Variants in ZNF224 observed in about 807,000 individuals in gnomAD.
ZNF224 encodes the protein bone marrow zinc finger 2.
ZNF224 carries 8 observed loss-of-function variants against 10.5 expected under a neutral mutation model. That is an observed-to-expected ratio of 0.76 (90% CI 0.45 to 1.37). The LOEUF is 1.37. Ranked by LOEUF, ZNF224 falls within the 40% of genes most tolerant of loss-of-function variation. The probability of loss-of-function intolerance (pLI) is 0.00; values close to 1 mark genes in which losing one functional copy is unlikely to be tolerated. For synonymous variants in ZNF224, 282 were observed against 287.8 expected (o/e 0.98, Z 0.20); for missense variants, 754 against 854.0 (o/e 0.88, Z 1.46).
Position 44,108,288 on chromosome 19 carries a change from T to C in ZNF224, c.*4T>C. 1 of 1,601,648 alleles carries C rather than the reference T, an allele frequency of 6.2e-7. No homozygotes were observed. Among genetic ancestry groups the C allele is most frequent in the Middle Eastern group, 1.7e-4 (1 of 5,982 alleles). On this transcript the variant is annotated 3_prime_UTR_variant, in exon 6 of 6. Transcript: ENST00000693561. ...TCATGTTGGAGAAAAACCTTAGTGATGTGATGGTGCAATAAAGTCTTCACT... is the reference window on the plus strand; with the variant it reads ...TCATGTTGGAGAAAAACCTTAGTGACGTGATGGTGCAATAAAGTCTTCACT...
rs1967674721 is a variant in ZNF224 at position 44,106,784 on chromosome 19, G to A, written c.624G>A (p.Val208=). The stretch of plus-strand genomic sequence containing the variant: ...GAGAGAAATGCTATAAGTGTGACGT[G>A]TGTGGTAAGGAATTCAGTCAGAGTT... ...HMGEKCYKCD[V]CGKEFSQSSH... is the part of the protein sequence containing the mutation. The change falls in exon 6 of 6, where the codon GTG becomes GTA. Residue 208 remains valine, a synonymous_variant. Transcript: ENST00000693561. The A allele has an allele frequency of 1.2e-6, 2 of 1,613,880 alleles. No individual in the cohort carries two copies. Among genetic ancestry groups the A allele is most frequent in the Non-Finnish European group, 8.5e-7 (1 of 1,179,852 alleles).
At chr19:44,096,899 A>T (rs974852539) in intron 2 of ZNF224, among the ~76,000 whole-genome samples, 2 of 152,168 alleles carry the variant, frequency 1.3e-5, no homozygotes, top group African/African-American at 2.4e-5. Context: ...GTTGGTAGGG[A>T]TACCACAGAA....
chr19:44,102,917 GTC>G (rs1967578176), intron 5 of ZNF224, among the ~76,000 whole-genome samples: 1 of 152,184 alleles, frequency 6.6e-6, no homozygotes, highest in Non-Finnish European at 1.5e-5. Context: ...CCTTTCCAAA[GTC>G]TGCATGCACG....
Position 44,107,357 on chromosome 19 carries a change from A to G in ZNF224, c.1197A>G (p.Pro399=), listed in dbSNP as rs765899617. 10 of 1,593,052 alleles carry G rather than the reference A, an allele frequency of 6.3e-6. No individual in the cohort carries two copies. In the South Asian group the frequency reaches 9.2e-5, roughly 15 times the overall value. Residue 399 remains proline (P), a synonymous_variant, in exon 6 of 6, where the codon CCA becomes CCG. Coordinates refer to ENST00000693561, the MANE Select transcript of ZNF224 (RefSeq NM_001321645.3). ...KHQRVHSGEK[P]FKCEECGKGF... The stretch of plus-strand genomic sequence containing the variant: ...AGCGAGTCCACAGTGGAGAAAAACC[A>G]TTCAAATGTGAAGAATGTGGGAAAG...
In ZNF224 at chr19:44,100,892, T is replaced by C; in HGVS notation, c.107T>C (p.Val36Ala). ...GCTCAGAGGAAGCTGTATCGAGATG[T>C]GATGCTGGAGAACTTCAGGAACCTG... is the stretch of plus-strand genomic sequence containing the variant. Reference protein sequence around the residue: ...DLAQRKLYRDVMLENFRNLLS... With the variant: ...DLAQRKLYRDAMLENFRNLLS... Residue 36 changes from valine (V) to alanine (A), a missense_variant, in exon 4 of 6, where the codon GTG (valine) becomes GCG (alanine). Val to Ala is a moderately conservative substitution (Grantham distance 64). Transcript: ENST00000693561. 2 of 1,614,062 alleles carry C rather than the reference T, an allele frequency of 1.2e-6. No homozygotes were observed. Among genetic ancestry groups the C allele is most frequent in the Non-Finnish European group, 1.7e-6 (2 of 1,179,988 alleles).
In ZNF224 at chr19:44,108,877, C is replaced by A; in HGVS notation, c.*593C>A. ...AACATGAGTTGAAATGCAGAGTAAA[C>A]TCAGTACTGCAATCCATAGCAATAT... On this transcript the variant is annotated 3_prime_UTR_variant, in exon 6 of 6. Coordinates refer to ENST00000693561, the MANE Select transcript of ZNF224 (RefSeq NM_001321645.3). 1 of 322,188 alleles carries A rather than the reference C, an allele frequency of 3.1e-6. No homozygotes were observed. The highest frequency in any genetic ancestry group is 2.5e-5 in the South Asian group (1 of 40,464). 20.0% of individuals were successfully genotyped at this position (322,188 alleles called of 1,614,324 possible). A position where few individuals can be genotyped will look rare whatever the true frequency, so the allele number is the denominator to read the frequency against.
chr19:44,100,724 C>T (rs1158324578), intron 3 of ZNF224, 77 bp from the exon 4 acceptor site: 9 of 1,533,816 alleles, frequency 5.9e-6, no homozygotes, highest in African/African-American at 1.4e-5. Context: ...CACCCCTCCC[C>T]TCTGTCTGCT....
In ZNF224 at chr19:44,107,533, G is replaced by C. The variant is rs769949207; in HGVS notation, c.1373G>C (p.Cys458Ser). The C allele has an allele frequency of 4.3e-6, 7 of 1,611,814 alleles. No individual in the cohort carries two copies. Among genetic ancestry groups the C allele is most frequent in the Non-Finnish European group, 5.9e-6 (7 of 1,179,110 alleles). The change falls in exon 6 of 6, where the codon TGT becomes TCT. Residue 458 changes from cysteine (C) to serine (S), a missense_variant. Cys to Ser is a moderately radical substitution (Grantham distance 112). Coordinates refer to ENST00000693561, the MANE Select transcript of ZNF224 (RefSeq NM_001321645.3). ...CATACAGGAGAGAAACTGTATAATTGTAAGGAATGTGGGAAGAGCTTTAGT... is the reference window on the plus strand; with the variant it reads ...CATACAGGAGAGAAACTGTATAATTCTAAGGAATGTGGGAAGAGCTTTAGT... Reference protein sequence around the residue: ...RVHTGEKLYNCKECGKSFSRA... With the variant: ...RVHTGEKLYNSKECGKSFSRA...
intron 2 of ZNF224, 159 bp from the exon 3 acceptor site, chr19:44,097,647 A>G: frequency 1.9e-6 from 1 of 524,024 alleles, no homozygotes; most frequent in South Asian, 2.8e-5. Context: ...CTATTCATTT[A>G]CCCACAGGAG....
intron 5 of ZNF224, among the ~76,000 whole-genome samples, chr19:44,102,003 C>G (rs73558296): frequency 0.025 from 3,741 of 152,256 alleles, 147 homozygotes; most frequent in African/African-American, 0.082. Context: ...TCTTTCTGTT[C>G]TCTGGTTAAC....
At position 44,101,140 on chromosome 19, in the gene ZNF224, A is replaced by T. The variant is rs1018051166; in HGVS notation, c.150A>T (p.Gln50His). ...NFRNLLSVGH[Q>H]AFHRDTFHFL... ...AAGTTTGCCTGTTTGCAGGACATCAAGCATTCCACAGGGATACTTTCCACT... is the reference window on the plus strand; with the variant it reads ...AAGTTTGCCTGTTTGCAGGACATCATGCATTCCACAGGGATACTTTCCACT... Residue 50 changes from glutamine to histidine, a missense_variant, in exon 5 of 6, where the codon CAA (glutamine) becomes CAT (histidine). Transcript: ENST00000693561. The T allele has an allele frequency of 6.2e-7, 1 of 1,614,142 alleles. No homozygotes were observed. Among genetic ancestry groups the T allele is most frequent in the African/African-American group, 1.3e-5 (1 of 75,046 alleles).
At position 44,108,616 on chromosome 19, in the gene ZNF224, A is replaced by ATCT. The variant is rs1362699791; in HGVS notation, c.*332_*333insTCT. 1 of 482,526 alleles carries ATCT rather than the reference A, an allele frequency of 2.1e-6. No homozygotes were observed. Among genetic ancestry groups the ATCT allele is most frequent in the Admixed American group, 2.2e-5 (1 of 44,574 alleles). The allele number at this position is 482,526 out of a possible 1,614,324, so 29.9% of individuals were successfully genotyped here. A position where few individuals can be genotyped will look rare whatever the true frequency, so the allele number is the denominator to read the frequency against. On this transcript the variant is annotated 3_prime_UTR_variant, in exon 6 of 6. Coordinates refer to ENST00000693561, the MANE Select transcript of ZNF224 (RefSeq NM_001321645.3). ...ATCATTCAGGAGACAGGCCTTAGAA[A>ATCT]GAGTAAGAGTTCATGAATTTACCAG...
In ZNF224 at chr19:44,097,901, T is replaced by TG. The variant is rs1967473489; in HGVS notation, c.15+14dup. The TG allele has an allele frequency of 6.2e-7, 1 of 1,613,868 alleles. No individual in the cohort carries two copies. Among genetic ancestry groups the TG allele is most frequent in the Admixed American group, 1.7e-5 (1 of 59,964 alleles). On this transcript the variant is annotated intron_variant, in intron 3 of 5. Transcript: ENST00000693561. The stretch of plus-strand genomic sequence containing the variant: ...GACCACGTTCAAGGTGGGTAGGACT[T>TG]GCTTCTATTACTCTTAAAATTCCCT...
At chr19:44,101,671 A>G (rs1967551783) in intron 5 of ZNF224, among the ~76,000 whole-genome samples, 1 of 152,206 alleles carries the variant, frequency 6.6e-6, no homozygotes, top group Admixed American at 6.5e-5. Flanking sequence ...CAGTGACCAC[A>G]GACTGAGCAG....
intron 3 of ZNF224, 45 bp from the exon 4 acceptor site, chr19:44,100,756 A>T: frequency 6.3e-7 from 1 of 1,595,314 alleles, no homozygotes; most frequent in South Asian, 1.1e-5. Flanking sequence ...CTCTCCCAGG[A>T]ATCATTGGTC....
intron 3 of ZNF224, 140 bp from the exon 4 acceptor site, chr19:44,100,661 G>T (rs552992868): frequency 4.7e-6 from 5 of 1,069,856 alleles, no homozygotes; most frequent in East Asian, 2.5e-5. Flanking sequence ...CAGACAGAAT[G>T]AGTAGGAAAT....
chr19:44,108,811 G>A lies in ZNF224; in HGVS notation c.*527G>A, dbSNP rs1967763924. ...TATGTATGGATTTGGATACAATTTT[G>A]TGTATCCAAAAAGGGAAGCCTGCAA... On this transcript the variant is annotated 3_prime_UTR_variant, in exon 6 of 6. Transcript: ENST00000693561. 2 of 465,730 alleles carry A rather than the reference G, an allele frequency of 4.3e-6. No homozygotes were observed. The highest frequency in any genetic ancestry group is 3.1e-5 in the South Asian group (2 of 65,286). The allele number at this position is 465,730 out of a possible 1,614,324, so 28.8% of individuals were successfully genotyped here. A position where few individuals can be genotyped will look rare whatever the true frequency, so the allele number is the denominator to read the frequency against.
Position 44,108,525 on chromosome 19 carries a change from A to C in ZNF224, c.*241A>C. 1.9e-6 allele frequency: 1 copy of C among 522,572 alleles called. No homozygotes were observed. Among genetic ancestry groups the C allele is most frequent in the Non-Finnish European group, 3.5e-6 (1 of 288,252 alleles). The allele number at this position is 522,572 out of a possible 1,614,324, so 32.4% of individuals were successfully genotyped here. The stretch of plus-strand genomic sequence containing the variant: ...AGCATGCCCCAGTAGTCTCAGGACC[A>C]CCATAATGGAGAATCCTTGTAAATG... On this transcript the variant is annotated 3_prime_UTR_variant, in exon 6 of 6. Coordinates refer to ENST00000693561, the MANE Select transcript of ZNF224 (RefSeq NM_001321645.3).
At position 44,107,988 on chromosome 19, in the gene ZNF224, A is replaced by G; in HGVS notation, c.1828A>G (p.Thr610Ala). The change falls in exon 6 of 6, where the codon ACT becomes GCT. Residue 610 changes from threonine to alanine, a missense_variant. Coordinates refer to ENST00000693561, the MANE Select transcript of ZNF224 (RefSeq NM_001321645.3). ...ECGKGFSWSSTRLTHQRRHSR... is the reference protein window; with the variant it reads ...ECGKGFSWSSARLTHQRRHSR... ...TGGGAAGGGCTTCAGCTGGTCCTCA[A>G]CTCGTCTGACCCATCAGAGACGCCA... 6.2e-7 allele frequency: 1 copy of G among 1,614,160 alleles called. No individual in the cohort carries two copies. The highest frequency in any genetic ancestry group is 8.5e-7 in the Non-Finnish European group (1 of 1,180,028).
Sources: gnomAD v4.1 joint callset for allele counts (sites outside exome capture counted in the v4.1 genomes callset) on GRCh38, gnomAD v4.1.1 for gene constraint, MANE v1.5 for transcripts, NCBI Gene and HGNC (gene_info 2026-07-23, HGNC 2026-07-21) for gene names.